Variants in CFAP54 observed in about 807,000 individuals in gnomAD.
CFAP54 encodes cilia and flagella associated protein 54, also known as cilia- and flagella-associated protein 54.
In CFAP54, 290 loss-of-function variants were observed where a neutral mutation model predicts 370.4. The observed-to-expected ratio is 0.78, with a 90% CI of 0.71 to 0.86. The LOEUF is 0.86. CFAP54 is among the 40% of genes least tolerant of loss of function. The pLI is 0.00. For missense variants in CFAP54, 3,399 were observed against 3,528.7 expected (o/e 0.96, Z 0.93); for synonymous variants, 1,206 against 1,236.5 (o/e 0.98, Z 0.52).
chr12:96,665,379 C>T (rs1198778504), intron 39 of CFAP54, among the ~76,000 whole-genome samples: 4 of 152,250 alleles, frequency 2.6e-5, no homozygotes, highest in Middle Eastern at 3.4e-3. Context: ...ACATCTTCAT[C>T]GTGAAATCTT....
intron 14 of CFAP54, among the ~76,000 whole-genome samples, chr12:96,543,099 C>T (rs1299943768): frequency 6.6e-6 from 1 of 152,182 alleles, no homozygotes; most frequent in Non-Finnish European, 1.5e-5. Flanking sequence ...AGCAACAGTA[C>T]TTCATAGGTA....
intron 27 of CFAP54, among the ~76,000 whole-genome samples, chr12:96,622,557 C>G (rs1315267872): frequency 2.6e-5 from 4 of 152,098 alleles, no homozygotes; most frequent in African/African-American, 9.7e-5. Context: ...ACCATGTTGG[C>G]CAGGCTGGTC....
intron 40 of CFAP54, chr12:96,682,373 T>A (rs886184553): frequency 5.2e-5 from 27 of 515,106 alleles, no homozygotes; most frequent in Middle Eastern, 9.7e-4. Flanking sequence ...TTTCTTTAAA[T>A]TTTTTTTTTT....
intron 1 of CFAP54, among the ~76,000 whole-genome samples, chr12:96,492,499 T>C (rs1954895327): frequency 6.6e-6 from 1 of 152,240 alleles, no homozygotes; most frequent in Admixed American, 6.5e-5. Context: ...GAGTGGCCTT[T>C]CCTATCGAAT....
intron 66 of CFAP54, among the ~76,000 whole-genome samples, chr12:96,845,698 C>T (rs1328349537): frequency 6.6e-6 from 1 of 152,226 alleles, no homozygotes; most frequent in Non-Finnish European, 1.5e-5. Flanking sequence ...CTTGTGATCT[C>T]AAGGGTATTC....
intron 15 of CFAP54, among the ~76,000 whole-genome samples, chr12:96,551,024 T>C (rs565651471): frequency 1.3e-5 from 2 of 152,214 alleles, no homozygotes; most frequent in Admixed American, 1.3e-4. Context: ...TCCTAGCCCT[T>C]TGGGGAGGCC....
At chr12:96,843,048 G>T (rs531803097) in intron 66 of CFAP54, among the ~76,000 whole-genome samples, 1 of 152,162 alleles carries the variant, frequency 6.6e-6, no homozygotes, top group Non-Finnish European at 1.5e-5. Context: ...GACCCACAAG[G>T]TCTGTCCTCT....
At chr12:96,663,484 T>C (rs566793280) in intron 38 of CFAP54, among the ~76,000 whole-genome samples, 1 of 37,558 alleles carries the variant, frequency 2.7e-5, no homozygotes, top group East Asian at 1.6e-3. Context: ...ATAAGTAGGG[T>C]GGAAAAATCT....
At chr12:96,852,526 A>G (rs377323119) in intron 66 of CFAP54, among the ~76,000 whole-genome samples, 4 of 152,260 alleles carry the variant, frequency 2.6e-5, no homozygotes, top group African/African-American at 4.8e-5. Flanking sequence ...TTCCAAATTG[A>G]TTGTGGCAAT....
Position 96,699,482 on chromosome 12 carries a change from TTAAAA to T in CFAP54, c.6352-483_6352-479del, listed in dbSNP as rs141742387. ...ACAAACCTGCACAGGTACCCTGAAC[TTAAAA>T]TAAAAGTTAAAAATAAAAGAAAATT... On this transcript the variant is annotated intron_variant, in intron 45 of 67. Transcript: ENST00000524981. Among the ~76,000 whole-genome samples the T allele has an allele frequency of 5.5e-3, 839 of 152,278 alleles. 11 individuals are homozygous for T. Among genetic ancestry groups the T allele is most frequent in the African/African-American group, 0.019 (798 of 41,558 alleles).
At chr12:96,720,714 A>G in intron 50 of CFAP54, 149 bp downstream of exon 50, 1 of 666,434 alleles carries the variant, frequency 1.5e-6, no homozygotes, top group Middle Eastern at 4.8e-4. Flanking sequence ...GTTTTCATAC[A>G]TGATTTCACT....
chr12:96,621,875 G>GTTTTTTT lies in CFAP54; in HGVS notation c.3771+180_3771+186dup, dbSNP rs71068819. Among the ~76,000 whole-genome samples, 364 of 50,020 alleles carry GTTTTTTT rather than the reference G, an allele frequency of 7.3e-3. 47 individuals carry two copies. The highest frequency in any genetic ancestry group is 0.03 in the East Asian group (35 of 1,186). The allele number at this position is 50,020 out of a possible 152,430, so 32.8% of individuals were successfully genotyped here. A position where few individuals can be genotyped will look rare whatever the true frequency, so the allele number is the denominator to read the frequency against. On this transcript the variant is annotated intron_variant, in intron 27 of 67. Transcript: ENST00000524981. ...ATTATAGTAAAGAGCTTTTGGGTTT[G>GTTTTTTT]TTTTTTTTTTTTTTTTTTTTTTTTT...
intron 62 of CFAP54, among the ~76,000 whole-genome samples, chr12:96,791,076 G>A (rs1281516280): frequency 6.6e-6 from 1 of 151,852 alleles, no homozygotes; most frequent in East Asian, 1.9e-4. Flanking sequence ...ACAGGCCTTA[G>A]ATATCAAAAA....
chr12:96,576,312 A>G (rs1252487750), intron 19 of CFAP54, among the ~76,000 whole-genome samples: 1 of 151,882 alleles, frequency 6.6e-6, no homozygotes, highest in Non-Finnish European at 1.5e-5. Flanking sequence ...TTAAAAATGT[A>G]CTACCTCATA....
At chr12:96,504,992 CTTTTTCTT>C (rs1462926585) in intron 3 of CFAP54, among the ~76,000 whole-genome samples, 1 of 137,568 alleles carries the variant, frequency 7.3e-6, no homozygotes, top group Admixed American at 7.8e-5. Context: ...TTTCTTCTTT[CTTTTTCTT>C]TCTTTCTTTC....
At position 96,806,200 on chromosome 12, in the gene CFAP54, AT is replaced by A. The variant is rs1565984909; in HGVS notation, c.8851-5535del. Among the ~76,000 whole-genome samples, 77 of 85,144 alleles carry A rather than the reference AT, an allele frequency of 9.0e-4. 3 individuals carry two copies. The highest frequency in any genetic ancestry group is 2.9e-3 in the East Asian group (8 of 2,730). 55.9% of individuals were successfully genotyped at this position (85,144 alleles called of 152,430 possible). ...TATATATATATATATATATATATAT[AT>A]ATATATATATATAATAACAACATAA... On this transcript the variant is annotated intron_variant, in intron 63 of 67. Transcript: ENST00000524981.
At chr12:96,659,550 T>C (rs1956967310) in intron 38 of CFAP54, among the ~76,000 whole-genome samples, 1 of 152,248 alleles carries the variant, frequency 6.6e-6, no homozygotes, top group South Asian at 2.1e-4. Context: ...TTCTTGTATT[T>C]ATACCAACGC....
At chr12:96,524,383 T>C (rs1034618696) in intron 8 of CFAP54, among the ~76,000 whole-genome samples, 4 of 152,204 alleles carry the variant, frequency 2.6e-5, no homozygotes, top group African/African-American at 4.8e-5. Flanking sequence ...ATGAGTTACA[T>C]GTAAAGCCCT....
intron 17 of CFAP54, among the ~76,000 whole-genome samples, chr12:96,556,855 G>A (rs1955757995): frequency 6.6e-6 from 1 of 152,092 alleles, no homozygotes; most frequent in African/African-American, 2.4e-5. Context: ...TAAATGATAA[G>A]AACACATGGA....
Sources: gnomAD v4.1 joint callset for allele counts (sites outside exome capture counted in the v4.1 genomes callset) on GRCh38, gnomAD v4.1.1 for gene constraint, MANE v1.5 for transcripts, NCBI Gene and HGNC (gene_info 2026-07-23, HGNC 2026-07-21) for gene names.